Variants in TIMD4 observed in about 807,000 individuals in gnomAD.
The protein encoded by TIMD4 is T-cell immunoglobulin and mucin domain-containing protein 4.
Under a neutral mutation model 41.2 loss-of-function variants are expected in TIMD4, and 31 were observed. That is an observed-to-expected ratio of 0.75 (90% CI 0.57 to 1.01). TIMD4 has a LOEUF of 1.01. Ranked by LOEUF, TIMD4 falls within the 50% of genes least tolerant of loss-of-function variation. The pLI, the probability that TIMD4 is intolerant of heterozygous loss-of-function variation, is 0.00. For missense variants in TIMD4, 479 were observed against 472.5 expected (o/e 1.01, Z -0.13); for synonymous variants, 204 against 177.1 (o/e 1.15, Z -1.21).
intron 5 of TIMD4, among the ~76,000 whole-genome samples, chr5:156,944,477 G>A (rs1263133945): frequency 2.1e-5 from 3 of 144,354 alleles, no homozygotes; most frequent in Admixed American, 6.9e-5. Context: ...TAGCTCTCCC[G>A]CTGTTCAGCT....
chr5:156,945,483 T>C (rs1227543646), intron 5 of TIMD4, among the ~76,000 whole-genome samples: 1 of 152,186 alleles, frequency 6.6e-6, no homozygotes, highest in Admixed American at 6.5e-5. Context: ...GAGGTTGTTG[T>C]GAGATTCAAA....
Position 156,954,711 on chromosome 5 carries a change from C to T in TIMD4, c.104G>A (p.Arg35Gln), listed in dbSNP as rs1007738482. ...TGAGTACAGACAGGGCAAAGTCACC[C>T]GGTGACCCAAAACCTCCGTCACAAC... ...ETVVTEVLGH[R>Q]VTLPCLYSSW... The change falls in exon 2 of 9, where the codon CGG becomes CAG. Residue 35 changes from arginine (R) to glutamine (Q), a missense_variant. Coordinates refer to ENST00000274532, the MANE Select transcript of TIMD4 (RefSeq NM_138379.3). 1.1e-5 allele frequency: 18 copies of T among 1,613,656 alleles called. No individual in the cohort carries two copies. The highest frequency in any genetic ancestry group is 8.9e-5 in the East Asian group (4 of 44,886).
At chr5:156,940,374 C>G (rs984179041) in intron 5 of TIMD4, among the ~76,000 whole-genome samples, 1 of 152,182 alleles carries the variant, frequency 6.6e-6, no homozygotes, top group Non-Finnish European at 1.5e-5. Flanking sequence ...TGCCCGGCCG[C>G]CACCCCATCT....
At chr5:156,959,606 C>T (rs1243451447) in intron 1 of TIMD4, among the ~76,000 whole-genome samples, 1 of 152,146 alleles carries the variant, frequency 6.6e-6, no homozygotes, top group Non-Finnish European at 1.5e-5. Flanking sequence ...AGCTGGTGAG[C>T]TTAAGCAAGG....
intron 5 of TIMD4, among the ~76,000 whole-genome samples, chr5:156,940,571 C>CAT (rs1215091067): frequency 6.6e-6 from 1 of 150,856 alleles, no homozygotes; most frequent in Non-Finnish European, 1.5e-5. Flanking sequence ...CCCCGCCGCC[C>CAT]CGTCTGGGAT....
At chr5:156,959,581 C>A (rs1418627659) in intron 1 of TIMD4, among the ~76,000 whole-genome samples, 1 of 152,160 alleles carries the variant, frequency 6.6e-6, no homozygotes, top group Admixed American at 6.5e-5. Context: ...CTTATGCCAG[C>A]TTGGTTCCTT....
In TIMD4 at chr5:156,919,558, G is replaced by A. The variant is rs1759198257; in HGVS notation, c.1053-17C>T. 6.2e-7 allele frequency: 1 copy of A among 1,605,538 alleles called. No homozygotes were observed. The highest frequency in any genetic ancestry group is 1.7e-5 in the Admixed American group (1 of 59,784). On this transcript the variant is annotated splice_polypyrimidine_tract_variant and intron_variant, in intron 8 of 8. Coordinates refer to ENST00000274532, the MANE Select transcript of TIMD4 (RefSeq NM_138379.3). ...TAGTCTAGCCTGTAAACAGAAAAGA[G>A]GGGCTCATAATGGGAAACACAAGAC...
intron 1 of TIMD4, among the ~76,000 whole-genome samples, chr5:156,959,994 G>A (rs1328059230): frequency 6.6e-6 from 1 of 151,914 alleles, no homozygotes; most frequent in African/African-American, 2.4e-5. Context: ...AGTGAGCCGA[G>A]ATTGCACCAT....
intron 1 of TIMD4, among the ~76,000 whole-genome samples, chr5:156,957,191 T>C (rs1392681632): frequency 6.6e-6 from 1 of 152,152 alleles, no homozygotes; most frequent in Non-Finnish European, 1.5e-5. Flanking sequence ...CTCTTCACTT[T>C]GCCAAGTGGA....
At chr5:156,940,649 C>T (rs1028101307) in intron 5 of TIMD4, among the ~76,000 whole-genome samples, 8 of 151,686 alleles carry the variant, frequency 5.3e-5, no homozygotes, top group South Asian at 2.1e-4. Context: ...GCCACCACCC[C>T]ATCTGGGAGG....
At chr5:156,934,710 G>A (rs1211071741) in intron 5 of TIMD4, among the ~76,000 whole-genome samples, 3 of 151,532 alleles carry the variant, frequency 2.0e-5, no homozygotes, top group African/African-American at 2.4e-5. Flanking sequence ...AACTCTGAAT[G>A]ACTCAAAAAA....
At chr5:156,950,607 T>C (rs886159038) in intron 3 of TIMD4, among the ~76,000 whole-genome samples, 1 of 152,170 alleles carries the variant, frequency 6.6e-6, no homozygotes, top group Non-Finnish European at 1.5e-5. Flanking sequence ...GAGTCTGACA[T>C]AGAGTGACAG....
intron 6 of TIMD4, among the ~76,000 whole-genome samples, chr5:156,923,536 C>T (rs1759290424): frequency 6.7e-6 from 1 of 149,956 alleles, no homozygotes. Context: ...TTTTAAGAAA[C>T]TGATTTTTTT....
At chr5:156,923,275 C>T (rs969813620) in intron 6 of TIMD4, among the ~76,000 whole-genome samples, 2 of 151,476 alleles carry the variant, frequency 1.3e-5, no homozygotes, top group Non-Finnish European at 2.9e-5. Context: ...CAACCTCCCA[C>T]GTAGCTGGGG....
chr5:156,946,777 G>T (rs527285065), intron 5 of TIMD4, among the ~76,000 whole-genome samples: 2 of 151,438 alleles, frequency 1.3e-5, no homozygotes, highest in Admixed American at 6.6e-5. Flanking sequence ...GAGCCACCGC[G>T]CCTGGCCTCT....
Position 156,954,644 on chromosome 5 carries a change from G to A in TIMD4, c.171C>T (p.Asp57=). ...HNSNSMCWGK[D]QCPYSGCKEA... is the part of the protein sequence containing the mutation. Reference sequence around the variant, plus strand: ...CCTTGCAACCGGAGTAGGGGCACTGGTCTTTCCCCCAGCACATGCTGTTGC... The same window carrying A: ...CCTTGCAACCGGAGTAGGGGCACTGATCTTTCCCCCAGCACATGCTGTTGC... Residue 57 remains aspartate, a synonymous_variant, in exon 2 of 9, where the codon GAC becomes GAT. Coordinates refer to ENST00000274532, the MANE Select transcript of TIMD4 (RefSeq NM_138379.3). The A allele has an allele frequency of 6.2e-7, 1 of 1,614,214 alleles. No individual in the cohort carries two copies. The highest frequency in any genetic ancestry group is 8.5e-7 in the Non-Finnish European group (1 of 1,180,046).
intron 3 of TIMD4, 54 bp downstream of exon 3, chr5:156,951,458 G>A: frequency 6.3e-7 from 1 of 1,596,714 alleles, no homozygotes; most frequent in Non-Finnish European, 8.5e-7. Context: ...TCACTGGGCT[G>A]CCTCATTCAG....
At chr5:156,953,106 A>C (rs1759893782) in intron 2 of TIMD4, among the ~76,000 whole-genome samples, 1 of 152,240 alleles carries the variant, frequency 6.6e-6, no homozygotes, top group Non-Finnish European at 1.5e-5. Context: ...GAACTTCGAA[A>C]TGACCTCATA....
intron 5 of TIMD4, among the ~76,000 whole-genome samples, chr5:156,940,891 AAAAG>A (rs1399089039): frequency 6.6e-6 from 1 of 152,254 alleles, no homozygotes; most frequent in Non-Finnish European, 1.5e-5. Context: ...AAATGTGGGG[AAAAG>A]AAAGAGAGAT....
Sources: gnomAD v4.1 joint callset for allele counts (sites outside exome capture counted in the v4.1 genomes callset) on GRCh38, gnomAD v4.1.1 for gene constraint, MANE v1.5 for transcripts, NCBI Gene and HGNC (gene_info 2026-07-23, HGNC 2026-07-21) for gene names.